Variants in SPATA17 observed in about 807,000 individuals in gnomAD.
The protein encoded by SPATA17 is spermatogenesis-associated protein 17.
SPATA17 carries 53 observed loss-of-function variants against 62.2 expected under a neutral mutation model. The ratio of observed to expected loss-of-function variants is 0.85; its 90% confidence interval spans 0.68 to 1.07. The LOEUF (loss-of-function observed/expected upper bound fraction) is 1.07. SPATA17 is among the 50% of genes least tolerant of loss of function. The pLI, the probability that SPATA17 is intolerant of heterozygous loss-of-function variation, is 0.00. For synonymous variants in SPATA17, 146 were observed against 146.8 expected (o/e 0.99, Z 0.04); for missense variants, 466 against 425.5 (o/e 1.10, Z -0.84).
intron 9 of SPATA17, 134 bp from the exon 10 acceptor site, chr1:217,862,640 T>G: frequency 1.6e-6 from 1 of 642,320 alleles, no homozygotes; most frequent in Non-Finnish European, 2.6e-6. Context: ...AATTTTGTTT[T>G]GAGAGTATAA....
chr1:217,780,968 C>A (rs188177067), intron 7 of SPATA17, among the ~76,000 whole-genome samples: 2 of 151,982 alleles, frequency 1.3e-5, no homozygotes, highest in Non-Finnish European at 2.9e-5. Context: ...AAAAAGAAGT[C>A]CCATTTGATT....
Position 217,801,750 on chromosome 1 carries a change from A to T in SPATA17, c.905A>T (p.Glu302Val), listed in dbSNP as rs1558056694. 2.5e-6 allele frequency: 4 copies of T among 1,607,366 alleles called. No homozygotes were observed. Among genetic ancestry groups the T allele is most frequent in the Middle Eastern group, 1.7e-4 (1 of 6,016 alleles). The change falls in exon 9 of 11, where the codon GAA becomes GTA. Residue 302 changes from glutamate (E) to valine (V), a missense_variant. Coordinates refer to ENST00000366933, the MANE Select transcript of SPATA17 (RefSeq NM_138796.4). Reference protein sequence around the residue: ...FLPFSSYHKNEKYIPSMHLSS... With the variant: ...FLPFSSYHKNVKYIPSMHLSS... ...CCATTTTCTTCATACCATAAAAATG[A>T]AAAGTACATCCCATCAATGCATTTA...
chr1:217,727,443 C>T (rs1178857394), intron 5 of SPATA17, among the ~76,000 whole-genome samples: 42 of 151,722 alleles, frequency 2.8e-4, no homozygotes, highest in Admixed American at 2.8e-3. Flanking sequence ...TTTCCCTACT[C>T]ATTACAGTTC....
chr1:217,775,731 C>CTATA (rs1361854223), intron 7 of SPATA17, among the ~76,000 whole-genome samples: 1 of 151,238 alleles, frequency 6.6e-6, no homozygotes, highest in Non-Finnish European at 1.5e-5. Context: ...ATCTATCTAT[C>CTATA]TATATATATA....
chr1:217,761,432 G>A (rs1409788160), intron 6 of SPATA17, among the ~76,000 whole-genome samples: 1 of 152,030 alleles, frequency 6.6e-6, no homozygotes, highest in South Asian at 2.1e-4. Flanking sequence ...CAAACACCAG[G>A]CATCCTAACT....
intron 1 of SPATA17, among the ~76,000 whole-genome samples, chr1:217,637,740 A>G (rs1389908108): frequency 6.6e-6 from 1 of 152,134 alleles, no homozygotes; most frequent in Admixed American, 6.5e-5. Context: ...CCTTCCCCTG[A>G]TTCTAATTAA....
At chr1:217,700,291 T>C (rs776513833) in intron 5 of SPATA17, among the ~76,000 whole-genome samples, 4 of 152,242 alleles carry the variant, frequency 2.6e-5, no homozygotes, top group Admixed American at 6.5e-5. Flanking sequence ...TGATATTCAC[T>C]TATTGATATT....
chr1:217,657,038 G>A (rs1177187075), intron 3 of SPATA17, among the ~76,000 whole-genome samples: 1 of 152,132 alleles, frequency 6.6e-6, no homozygotes, highest in Non-Finnish European at 1.5e-5. Flanking sequence ...CCTTCATGGA[G>A]CCTTCATTCA....
At chr1:217,649,362 C>G (rs932609869) in intron 2 of SPATA17, among the ~76,000 whole-genome samples, 5 of 151,984 alleles carry the variant, frequency 3.3e-5, no homozygotes, top group Non-Finnish European at 5.9e-5. Context: ...ATCTGTAATC[C>G]CAGGTACTTA....
intron 9 of SPATA17, chr1:217,850,340 G>A: frequency 3.7e-6 from 2 of 546,944 alleles, no homozygotes; most frequent in Non-Finnish European, 6.3e-6. Flanking sequence ...TTAAGTGGGG[G>A]CAGATGGCTA....
At chr1:217,678,566 G>T (rs1010455249) in intron 4 of SPATA17, among the ~76,000 whole-genome samples, 1 of 152,084 alleles carries the variant, frequency 6.6e-6, no homozygotes, top group African/African-American at 2.4e-5. Context: ...TGGCATTAAG[G>T]TTACTATAGA....
chr1:217,782,125 C>T (rs760184552), intron 7 of SPATA17, 49 bp from the exon 8 acceptor site: 3 of 1,507,734 alleles, frequency 2.0e-6, no homozygotes, highest in East Asian at 2.3e-5. Context: ...TCAGTAATAC[C>T]TCAAAAAAAT....
intron 9 of SPATA17, among the ~76,000 whole-genome samples, chr1:217,848,079 A>G (rs6689948): frequency 0.037 from 5,682 of 152,268 alleles, 308 homozygotes; most frequent in African/African-American, 0.12. Flanking sequence ...CAGCTGATAA[A>G]TAAGTGTCCA....
At chr1:217,667,233 G>T (rs954295000) in intron 3 of SPATA17, among the ~76,000 whole-genome samples, 3 of 151,684 alleles carry the variant, frequency 2.0e-5, no homozygotes, top group Non-Finnish European at 2.9e-5. Flanking sequence ...AGTTTTAGTA[G>T]AGACGGGGTT....
At chr1:217,772,537 A>G (rs1673475774) in intron 6 of SPATA17, among the ~76,000 whole-genome samples, 1 of 152,244 alleles carries the variant, frequency 6.6e-6, no homozygotes, top group Admixed American at 6.5e-5. Context: ...TTCTGTTAAA[A>G]AAAAGAAAAA....
intron 7 of SPATA17, chr1:217,781,333 T>C (rs568010258): frequency 2.0e-5 from 3 of 152,324 alleles, no homozygotes; most frequent in African/African-American, 7.2e-5. Flanking sequence ...TAGAAATCTT[T>C]GTCCATTTAA....
intron 5 of SPATA17, among the ~76,000 whole-genome samples, chr1:217,704,066 G>T (rs1671667209): frequency 6.8e-6 from 1 of 146,518 alleles, no homozygotes; most frequent in East Asian, 2.0e-4. Flanking sequence ...TGTTTCTTGT[G>T]TATTTTTAAA....
Position 217,659,301 on chromosome 1 carries a change from T to C in SPATA17, c.240+8123T>C, listed in dbSNP as rs7549051. Among the ~76,000 whole-genome samples, 371 of 151,650 alleles carry C rather than the reference T, an allele frequency of 2.4e-3. 1 individual carries two copies. The highest frequency in any genetic ancestry group is 8.3e-3 in the African/African-American group (344 of 41,348). ...AAGGAAATGACACTTCAGCTAACCC[T>C]TGGGAAGAAAACATGAATGAAATTT... On this transcript the variant is annotated intron_variant, in intron 3 of 10. Transcript: ENST00000366933.
At chr1:217,717,706 G>A (rs181654061) in intron 5 of SPATA17, among the ~76,000 whole-genome samples, 3 of 151,866 alleles carry the variant, frequency 2.0e-5, no homozygotes, top group East Asian at 1.9e-4. Flanking sequence ...TATCATTTGC[G>A]GGTTTGACAT....
Sources: gnomAD v4.1 joint callset for allele counts (sites outside exome capture counted in the v4.1 genomes callset) on GRCh38, gnomAD v4.1.1 for gene constraint, MANE v1.5 for transcripts, NCBI Gene and HGNC (gene_info 2026-07-23, HGNC 2026-07-21) for gene names.